Variants in RGMA observed in about 807,000 individuals in gnomAD.
RGMA encodes the protein repulsive guidance molecule BMP co-receptor a.
In RGMA, 10 loss-of-function variants were observed where a neutral mutation model predicts 23.2. The ratio of observed to expected loss-of-function variants is 0.43; its 90% CI spans 0.27 to 0.73. The LOEUF (loss-of-function observed/expected upper bound fraction) is 0.73, where lower values mean the gene tolerates loss of function less well. Ranked by LOEUF, RGMA falls within the 30% of genes least tolerant of loss-of-function variation. The probability of loss-of-function intolerance (pLI) is 0.20; values close to 1 mark genes in which losing one functional copy is unlikely to be tolerated. For missense variants in RGMA, 547 were observed against 630.5 expected (o/e 0.87, Z 1.42); for synonymous variants, 308 against 279.3 (o/e 1.10, Z -1.03).
At chr15:93,084,617 C>T (rs1418244209) in intron 1 of RGMA, among the ~76,000 whole-genome samples, 1 of 152,122 alleles carries the variant, frequency 6.6e-6, no homozygotes, top group African/African-American at 2.4e-5. Flanking sequence ...GGACTACAGT[C>T]ATGTGCCGCC....
chr15:93,065,809 T>G, intron 2 of RGMA: 1 of 896,334 alleles, frequency 1.1e-6, no homozygotes, highest in Non-Finnish European at 1.8e-6. Flanking sequence ...TGGGCCAGAA[T>G]TGAGGTAGGG....
intron 2 of RGMA, chr15:93,065,639 G>C: frequency 1.1e-6 from 1 of 923,192 alleles, no homozygotes; most frequent in Middle Eastern, 2.3e-4. Context: ...TGAGGTCTCA[G>C]GGGCTGCGGG....
chr15:93,052,056 G>A lies in RGMA; in HGVS notation c.582C>T (p.Tyr194=). 1 of 1,612,476 alleles carries A rather than the reference G, an allele frequency of 6.2e-7. No individual in the cohort carries two copies. The highest frequency in any genetic ancestry group is 8.5e-7 in the Non-Finnish European group (1 of 1,179,350). ...GCGTGTTGGTGACCTGCACGTTCAG[G>A]TAATTATTGTCGATGAGCGGCCAGG... is the stretch of plus-strand genomic sequence containing the variant. ...QGAWPLIDNN[Y]LNVQVTNTPV... The change falls in exon 3 of 4, where the codon TAC becomes TAT. Residue 194 remains tyrosine, a synonymous_variant. Transcript: ENST00000329082.
chr15:93,068,357 A>C (rs1359940679), intron 2 of RGMA, among the ~76,000 whole-genome samples: 2 of 137,256 alleles, frequency 1.5e-5, no homozygotes, highest in African/African-American at 5.0e-5. Context: ...CTCTAGCAGG[A>C]ACGACACTCT....
chr15:93,079,933 G>A (rs184424449), intron 1 of RGMA, among the ~76,000 whole-genome samples: 1 of 152,188 alleles, frequency 6.6e-6, no homozygotes, highest in African/African-American at 2.4e-5. Flanking sequence ...TTTTGGCTAC[G>A]AGGATGTTGC....
rs2054762310 is a variant in RGMA at position 93,043,685 on chromosome 15, A to C, written c.*1313T>G. ...ACACGGTTCTGGCAGAGGGAGCAGGACCTCTTGGAGGGAGGGGGAGACACA... is the reference window on the plus strand; with the variant it reads ...ACACGGTTCTGGCAGAGGGAGCAGGCCCTCTTGGAGGGAGGGGGAGACACA... On this transcript the variant is annotated 3_prime_UTR_variant, in exon 4 of 4. Transcript: ENST00000329082. 1 of 114,516 alleles carries C rather than the reference A, an allele frequency of 8.7e-6. No homozygotes were observed. The highest frequency in any genetic ancestry group is 3.4e-5 in the African/African-American group (1 of 29,744). 7.1% of individuals were successfully genotyped at this position (114,516 alleles called of 1,614,324 possible).
chr15:93,054,357 A>C (rs916478023), intron 2 of RGMA, among the ~76,000 whole-genome samples: 2 of 152,076 alleles, frequency 1.3e-5, no homozygotes, highest in Non-Finnish European at 2.9e-5. Flanking sequence ...CCCGCTTGAT[A>C]TGGTTCGGCT....
At chr15:93,054,011 T>C (rs555737411) in intron 2 of RGMA, among the ~76,000 whole-genome samples, 6 of 152,104 alleles carry the variant, frequency 3.9e-5, no homozygotes, top group Non-Finnish European at 7.4e-5. Context: ...AGGCAGATCA[T>C]GTGAGGTCTG....
At position 93,057,912 on chromosome 15, in the gene RGMA, G is replaced by A. The variant is rs2055039950; in HGVS notation, c.131-5405C>T. Among the ~76,000 whole-genome samples, 3 of 152,176 alleles carry A rather than the reference G, an allele frequency of 2.0e-5. No homozygotes were observed. The South Asian group carries it at 6.2e-4, about 32-fold the overall frequency. ...GGGAGACCTCTGTACCCCACAGCCT[G>A]TGTGGTCCAGTCTCTATGTCCTTGT... is the stretch of plus-strand genomic sequence containing the variant. On this transcript the variant is annotated intron_variant, in intron 2 of 3. Coordinates refer to ENST00000329082, the MANE Select transcript of RGMA (RefSeq NM_020211.3).
intron 3 of RGMA, among the ~76,000 whole-genome samples, chr15:93,048,727 T>G (rs1041764234): frequency 6.6e-6 from 1 of 152,144 alleles, no homozygotes; most frequent in Non-Finnish European, 1.5e-5. Flanking sequence ...CGGTTCAGCC[T>G]CCTACTTCTT....
Position 93,042,849 on chromosome 15 carries a change from G to C in RGMA, c.*2149C>G, listed in dbSNP as rs1457373002. 1 of 151,608 alleles carries C rather than the reference G, an allele frequency of 6.6e-6. No homozygotes were observed. The highest frequency in any genetic ancestry group is 1.5e-5 in the Non-Finnish European group (1 of 68,128). 9.4% of individuals were successfully genotyped at this position (151,608 alleles called of 1,614,324 possible). On this transcript the variant is annotated 3_prime_UTR_variant, in exon 4 of 4. Transcript: ENST00000329082. ...GCTCCGCCCGGGCTATGAGAAGATG[G>C]GCACTGGCAGGGAGGGTGGCAGGCA...
In RGMA at chr15:93,078,661, C is replaced by G. The variant is rs6497018; in HGVS notation, c.15-5630G>C. On this transcript the variant is annotated intron_variant, in intron 1 of 3. Transcript: ENST00000329082. The stretch of plus-strand genomic sequence containing the variant: ...ACCCTTAAGGTACAAAGCAGCCCGG[C>G]CTCTTGCGAAGAACTTCAGGTGATG... Among the ~76,000 whole-genome samples, 433 of 152,308 alleles carry G rather than the reference C, an allele frequency of 2.8e-3. 2 individuals carry two copies. The highest frequency in any genetic ancestry group is 9.8e-3 in the African/African-American group (406 of 41,572).
intron 3 of RGMA, among the ~76,000 whole-genome samples, chr15:93,050,974 C>T (rs1275476046): frequency 2.0e-5 from 3 of 152,124 alleles, no homozygotes; most frequent in African/African-American, 7.2e-5. Context: ...CAGGCAGGCC[C>T]TGAGTATGCG....
chr15:93,048,599 G>A lies in RGMA; in HGVS notation c.646-2894C>T, dbSNP rs573124768. Among the ~76,000 whole-genome samples, 286 of 152,252 alleles carry A rather than the reference G, an allele frequency of 1.9e-3. 2 individuals carry two copies. The highest frequency in any genetic ancestry group is 6.5e-3 in the African/African-American group (272 of 41,550). On this transcript the variant is annotated intron_variant, in intron 3 of 3. Coordinates refer to ENST00000329082, the MANE Select transcript of RGMA (RefSeq NM_020211.3). Reference sequence around the variant, plus strand: ...CACGGCACACTTCCCATTTGCCGTGGGATGTCAAAGGTGGCTGCGGCTGCA... The same window carrying A: ...CACGGCACACTTCCCATTTGCCGTGAGATGTCAAAGGTGGCTGCGGCTGCA...
chr15:93,072,851 T>C (rs910540887), intron 2 of RGMA, 65 bp downstream of exon 2: 3 of 1,540,916 alleles, frequency 1.9e-6, no homozygotes, highest in African/African-American at 1.4e-5. Flanking sequence ...CTCGCGCACA[T>C]CTGGCCCAGC....
rs2054733549 is a variant in RGMA, at chr15:93,042,229, C to CT, written c.*2768dup. On this transcript the variant is annotated 3_prime_UTR_variant, in exon 4 of 4. Transcript: ENST00000329082. ...TCCTGGTCTGCCTGGGATTAATGAA[C>CT]TTGGCCACTCTTGGGACTCCTCCCC... is the stretch of plus-strand genomic sequence containing the variant. 6.6e-6 allele frequency: 1 copy of CT among 152,278 alleles called. No individual in the cohort carries two copies. The highest frequency in any genetic ancestry group is 1.5e-5 in the Non-Finnish European group (1 of 68,094). The allele number at this position is 152,278 out of a possible 1,614,324, so 9.4% of individuals were successfully genotyped here.
chr15:93,050,675 C>T (rs527642300), intron 3 of RGMA, among the ~76,000 whole-genome samples: 4 of 152,330 alleles, frequency 2.6e-5, no homozygotes, highest in Admixed American at 6.5e-5. Flanking sequence ...CTCCCCGGTG[C>T]GTGGCTTGGC....
chr15:93,048,618 G>A lies in RGMA; in HGVS notation c.646-2913C>T, dbSNP rs545385375. On this transcript the variant is annotated intron_variant, in intron 3 of 3. Transcript: ENST00000329082. Reference sequence around the variant, plus strand: ...GCCGTGGGATGTCAAAGGTGGCTGCGGCTGCAGCCTCTCCATCCAGCATGG... The same window carrying A: ...GCCGTGGGATGTCAAAGGTGGCTGCAGCTGCAGCCTCTCCATCCAGCATGG... 3.9e-5 allele frequency among the ~76,000 whole-genome samples: 6 copies of A among 152,238 alleles called. No individual in the cohort carries two copies. The East Asian group carries it at 5.8e-4, about 15-fold the overall frequency.
chr15:93,083,193 T>C (rs893737762), intron 1 of RGMA, among the ~76,000 whole-genome samples: 4 of 152,216 alleles, frequency 2.6e-5, no homozygotes, highest in Non-Finnish European at 1.5e-5. Context: ...ATGCTCCTTA[T>C]CAGAGAAAAA....
Sources: allele counts gnomAD v4.1 joint callset (sites outside exome capture counted in the v4.1 genomes callset), GRCh38; gene constraint gnomAD v4.1.1; transcripts MANE v1.5; gene names NCBI Gene and HGNC (gene_info 2026-07-23, HGNC 2026-07-21).